The following METTL25 variants were observed in gnomAD, a reference collection of about 807,000 sequenced individuals.
The protein encoded by METTL25 is methyltransferase like 25, also known as probable methyltransferase-like protein 25.
Under a neutral mutation model 71.6 loss-of-function variants are expected in METTL25, and 64 were observed. That is an observed-to-expected ratio of 0.89 (90% CI 0.73 to 1.10). The LOEUF (loss-of-function observed/expected upper bound fraction) is 1.10, where lower values mean the gene tolerates loss of function less well. Ranked by LOEUF, METTL25 falls within the 50% of genes least tolerant of loss-of-function variation. The pLI is 0.00. For missense variants in METTL25, 807 were observed against 707.0 expected (o/e 1.14, Z -1.60); for synonymous variants, 287 against 250.3 (o/e 1.15, Z -1.38).
At chr12:82,378,584 A>G (rs1325594372) in intron 1 of METTL25, among the ~76,000 whole-genome samples, 5 of 152,236 alleles carry the variant, frequency 3.3e-5, no homozygotes, top group African/African-American at 7.2e-5. Context: ...ACTCAAATTA[A>G]TGAAATGCAC....
At chr12:82,421,369 G>A (rs1282390241) in intron 5 of METTL25, among the ~76,000 whole-genome samples, 3 of 152,160 alleles carry the variant, frequency 2.0e-5, no homozygotes, top group Non-Finnish European at 4.4e-5. Context: ...GAATGAGAAA[G>A]TGTCAGAGAT....
At chr12:82,443,493 G>C (rs1443493637) in intron 8 of METTL25, among the ~76,000 whole-genome samples, 2 of 150,192 alleles carry the variant, frequency 1.3e-5, no homozygotes, top group African/African-American at 4.9e-5. Flanking sequence ...AAAAAAGAAT[G>C]CAGTATGCCT....
intron 5 of METTL25, among the ~76,000 whole-genome samples, chr12:82,406,346 C>T (rs1887088269): frequency 6.6e-6 from 1 of 151,886 alleles, no homozygotes; most frequent in Non-Finnish European, 1.5e-5. Context: ...GTCCCCGTAC[C>T]TATATTGTTT....
chr12:82,442,216 A>G (rs891268749), intron 8 of METTL25, among the ~76,000 whole-genome samples: 11 of 152,126 alleles, frequency 7.2e-5, no homozygotes, highest in Admixed American at 6.6e-4. Flanking sequence ...TGGAAGTCCC[A>G]GCAATAAAAA....
chr12:82,443,462 C>CAAAAAAAAAAA (rs67737833), intron 8 of METTL25, among the ~76,000 whole-genome samples: 2 of 96,610 alleles, frequency 2.1e-5, no homozygotes, highest in Non-Finnish European at 4.4e-5. Flanking sequence ...CAGAGGAGAC[C>CAAAAAAAAAAA]AAAAAAAAAA....
rs143380572 is a variant in METTL25, at chr12:82,409,695, A to G, written c.1279+6565A>G. ...TTCTAGTATTGTTAGTGCACTCCAC[A>G]TTTGCACAGTCAAATATCAGTGGTG... On this transcript the variant is annotated intron_variant, in intron 5 of 11. Coordinates refer to ENST00000248306, the MANE Select transcript of METTL25 (RefSeq NM_032230.3). Among the ~76,000 whole-genome samples the G allele has an allele frequency of 2.9e-3, 442 of 152,158 alleles. 3 individuals carry two copies. The highest frequency in any genetic ancestry group is 0.01 in the African/African-American group (417 of 41,522).
chr12:82,410,754 G>A (rs1305297260), intron 5 of METTL25, among the ~76,000 whole-genome samples: 1 of 152,048 alleles, frequency 6.6e-6, no homozygotes. Flanking sequence ...AGATAGTGTT[G>A]TTCTGAGATA....
chr12:82,441,696 C>G (rs1209918333), intron 8 of METTL25, among the ~76,000 whole-genome samples: 5 of 144,084 alleles, frequency 3.5e-5, no homozygotes, highest in African/African-American at 1.3e-4. Context: ...CCAATAGGCA[C>G]AGAAAAAAAA....
chr12:82,460,138 T>C (rs983504192), intron 9 of METTL25, among the ~76,000 whole-genome samples: 3 of 152,228 alleles, frequency 2.0e-5, no homozygotes, highest in African/African-American at 7.2e-5. Flanking sequence ...GGAGGGTCTC[T>C]GAACAACTGT....
chr12:82,362,682 G>A (rs1373564835), intron 1 of METTL25, among the ~76,000 whole-genome samples: 2 of 152,170 alleles, frequency 1.3e-5, no homozygotes, highest in Non-Finnish European at 2.9e-5. Flanking sequence ...ATGTGATACC[G>A]TGTGATTTAT....
rs1886316661 is a variant in METTL25 at position 82,398,827 on chromosome 12, A to G, written c.564A>G (p.Leu188=). The change falls in exon 4 of 12, where the codon CTA becomes CTG. Residue 188 remains leucine, a synonymous_variant. Transcript: ENST00000248306. Reference sequence around the variant, plus strand: ...ACTTGGGTTCCGGTAAAGGCTACCTAAGCTCTTTTTTGTCCTTGAAGTATG... The same window carrying G: ...ACTTGGGTTCCGGTAAAGGCTACCTGAGCTCTTTTTTGTCCTTGAAGTATG... ...VIDLGSGKGY[L]SSFLSLKYGL... 2.5e-6 allele frequency: 4 copies of G among 1,570,506 alleles called. No individual in the cohort carries two copies. The highest frequency in any genetic ancestry group is 2.4e-5 in the South Asian group (2 of 82,128).
At chr12:82,369,830 T>C (rs987179083) in intron 1 of METTL25, among the ~76,000 whole-genome samples, 1 of 152,102 alleles carries the variant, frequency 6.6e-6, no homozygotes, top group South Asian at 2.1e-4. Context: ...AGAATGCTAA[T>C]TGGTGCGTTT....
At chr12:82,421,452 G>C (rs550466716) in intron 5 of METTL25, among the ~76,000 whole-genome samples, 1 of 152,230 alleles carries the variant, frequency 6.6e-6, no homozygotes, top group South Asian at 2.1e-4. Context: ...AACTTCATGA[G>C]ATCTAGATTT....
intron 1 of METTL25, among the ~76,000 whole-genome samples, chr12:82,383,694 A>G: frequency 6.6e-6 from 1 of 152,106 alleles, no homozygotes; most frequent in Admixed American, 6.6e-5. Context: ...ACAGACATTT[A>G]TTTTTATTTA....
intron 8 of METTL25, among the ~76,000 whole-genome samples, chr12:82,456,494 CTTCT>C (rs931073035): frequency 2.0e-5 from 3 of 151,918 alleles, no homozygotes; most frequent in Non-Finnish European, 4.4e-5. Flanking sequence ...GTGTTTAAAA[CTTCT>C]TTCTCACAGC....
At chr12:82,448,371 A>G (rs1449531980) in intron 8 of METTL25, among the ~76,000 whole-genome samples, 1 of 152,036 alleles carries the variant, frequency 6.6e-6, no homozygotes, top group African/African-American at 2.4e-5. Context: ...TAGCCCATTT[A>G]TGTTAAAACT....
chr12:82,415,259 T>C (rs1565844590), intron 5 of METTL25, among the ~76,000 whole-genome samples: 1 of 152,144 alleles, frequency 6.6e-6, no homozygotes, highest in East Asian at 1.9e-4. Context: ...GGGTGTTTAT[T>C]TTCTTCTTTA....
At chr12:82,385,252 C>T (rs1417294947) in intron 1 of METTL25, among the ~76,000 whole-genome samples, 1 of 152,000 alleles carries the variant, frequency 6.6e-6, no homozygotes, top group African/African-American at 2.4e-5. Flanking sequence ...ATTCTACAAA[C>T]CCTCATCACT....
In METTL25 at chr12:82,462,233, G is replaced by A. The variant is rs552356303; in HGVS notation, c.1572+5413G>A. Among the ~76,000 whole-genome samples, 192 of 152,230 alleles carry A rather than the reference G, an allele frequency of 1.3e-3. 10 individuals are homozygous for A. In the South Asian group the frequency reaches 0.039, roughly 31 times the overall value. ...CAGGAAGTTGAAGAGGCTCTCACTG[G>A]CTTTAACACTCAGTAATGATGTCTA... On this transcript the variant is annotated intron_variant, in intron 9 of 11. Coordinates refer to ENST00000248306, the MANE Select transcript of METTL25 (RefSeq NM_032230.3).
Sources: allele counts gnomAD v4.1 joint callset (sites outside exome capture counted in the v4.1 genomes callset), GRCh38; gene constraint gnomAD v4.1.1; transcripts MANE v1.5; gene names NCBI Gene and HGNC (gene_info 2026-07-23, HGNC 2026-07-21).